EMC3: variants seen among roughly 807,000 people sequenced by gnomAD.
The protein encoded by EMC3 is ER membrane protein complex subunit 3.
EMC3 carries 13 observed loss-of-function variants against 36.6 expected under a neutral mutation model. That is an observed-to-expected ratio of 0.35 (90% CI 0.23 to 0.56). EMC3 has a LOEUF of 0.56. EMC3 is among the 20% of genes least tolerant of loss of function. The pLI is 0.84. For synonymous variants in EMC3, 120 were observed against 111.9 expected (o/e 1.07, Z -0.46); for missense variants, 220 against 324.5 (o/e 0.68, Z 2.47).
At chr3:9,966,245 T>C (rs1420036080) in intron 7 of EMC3, among the ~76,000 whole-genome samples, 2 of 150,780 alleles carry the variant, frequency 1.3e-5, no homozygotes. Context: ...TTTTTTGAGA[T>C]GGAGTCTCGC....
chr3:9,963,448 A>AAGATAGATAGAT lies in EMC3; in HGVS notation c.*620_*621insATCTATCTATCT, dbSNP rs200964792. Reference sequence around the variant, plus strand: ...TTCCTTCGAAGACTGGGCTTCTGCTAAGATAGATATATATATATATATATA... The same window carrying AAGATAGATAGAT: ...TTCCTTCGAAGACTGGGCTTCTGCTAAGATAGATAGATAGATAGATATATATATATATATATA... On this transcript the variant is annotated 3_prime_UTR_variant, in exon 8 of 8. Transcript: ENST00000245046. 5 of 97,758 alleles carry AAGATAGATAGAT rather than the reference A, an allele frequency of 5.1e-5. No individual in the cohort carries two copies. The highest frequency in any genetic ancestry group is 3.3e-4 in the South Asian group (1 of 2,992). The allele number at this position is 97,758 out of a possible 1,614,324, so 6.1% of individuals were successfully genotyped here.
chr3:9,980,704 G>A (rs2085901902), intron 1 of EMC3, among the ~76,000 whole-genome samples: 1 of 151,972 alleles, frequency 6.6e-6, no homozygotes, highest in Non-Finnish European at 1.5e-5. Context: ...AGAATTTTAG[G>A]CTGAGTTCTT....
Position 9,963,853 on chromosome 3 carries a change from T to TTTAC in EMC3, c.*212_*215dup. 1.7e-6 allele frequency: 1 copy of TTTAC among 598,820 alleles called. No individual in the cohort carries two copies. Among genetic ancestry groups the TTTAC allele is most frequent in the Non-Finnish European group, 2.7e-6 (1 of 371,974 alleles). The allele number at this position is 598,820 out of a possible 1,614,324, so 37.1% of individuals were successfully genotyped here. Reference sequence around the variant, plus strand: ...ATTACTAGAGTCACCAGAAGGAACATTTACAACATTTTAAAAATAACAAGT... The same window carrying TTTAC: ...ATTACTAGAGTCACCAGAAGGAACATTTACTTACAACATTTTAAAAATAACAAGT... On this transcript the variant is annotated 3_prime_UTR_variant, in exon 8 of 8. Transcript: ENST00000245046.
intron 7 of EMC3, 109 bp from the exon 8 acceptor site, chr3:9,964,306 T>G: frequency 1.3e-6 from 2 of 1,486,092 alleles, no homozygotes; most frequent in Non-Finnish European, 1.8e-6. Context: ...GTGAGCTATC[T>G]GCATGTATAA....
intron 1 of EMC3, among the ~76,000 whole-genome samples, chr3:9,994,833 A>G (rs1254118969): frequency 5.3e-5 from 8 of 152,116 alleles, no homozygotes; most frequent in Non-Finnish European, 1.2e-4. Flanking sequence ...CGCCCTCCCA[A>G]AGTGCTGCAA....
At chr3:9,967,015 C>T (rs911802809) in intron 7 of EMC3, among the ~76,000 whole-genome samples, 6 of 152,064 alleles carry the variant, frequency 3.9e-5, no homozygotes, top group African/African-American at 1.2e-4. Context: ...GTTTTATGTC[C>T]CCTTAAACAG....
intron 1 of EMC3, among the ~76,000 whole-genome samples, chr3:9,984,694 A>T (rs1046185383): frequency 6.6e-6 from 1 of 152,150 alleles, no homozygotes; most frequent in African/African-American, 2.4e-5. Flanking sequence ...CCCGGCCAGT[A>T]AGCTGACTTC....
At chr3:9,988,563 A>G, upstream of EMC3, 1 of 878,276 alleles carries the variant, frequency 1.1e-6, no homozygotes, top group Non-Finnish European at 1.9e-6. Context: ...TGAAATAAAA[A>G]TCTCAAAACT....
At chr3:9,992,597 T>C (rs897474989) in intron 1 of EMC3, among the ~76,000 whole-genome samples, 3 of 152,256 alleles carry the variant, frequency 2.0e-5, no homozygotes, top group African/African-American at 7.2e-5. Flanking sequence ...ATTGAATCTT[T>C]TAATAAATGT....
chr3:9,973,548 C>A, intron 5 of EMC3, 80 bp downstream of exon 5: 1 of 1,334,594 alleles, frequency 7.5e-7, no homozygotes, highest in South Asian at 1.2e-5. Context: ...TGGTCTCAAA[C>A]TCATGGGCTC....
Position 9,963,703 on chromosome 3 carries a change from C to T in EMC3, c.*366G>A, listed in dbSNP as rs556326428. ...ATCTTGGCCAGGCTGATCTTGAACT[C>T]CTGATCTCGTGACCCACCCGCCTCA... On this transcript the variant is annotated 3_prime_UTR_variant, in exon 8 of 8. Coordinates refer to ENST00000245046, the MANE Select transcript of EMC3 (RefSeq NM_001394674.1). 1 of 168,508 alleles carries T rather than the reference C, an allele frequency of 5.9e-6. No individual in the cohort carries two copies. Among genetic ancestry groups the T allele is most frequent in the East Asian group, 1.7e-4 (1 of 5,934 alleles). 10.4% of individuals were successfully genotyped at this position (168,508 alleles called of 1,614,324 possible). A position where few individuals can be genotyped will look rare whatever the true frequency, so the allele number is the denominator to read the frequency against.
At chr3:10,008,575 T>TG in intron 1 of EMC3, 2 of 732,582 alleles carry the variant, frequency 2.7e-6, no homozygotes, top group South Asian at 1.5e-5. Context: ...GGTCAGATAG[T>TG]GGGGGGTGGG....
intron 3 of EMC3, among the ~76,000 whole-genome samples, chr3:9,975,458 A>T (rs1404796797): frequency 6.6e-6 from 1 of 151,978 alleles, no homozygotes; most frequent in Non-Finnish European, 1.5e-5. Flanking sequence ...CGACCTTGAC[A>T]ATAGTGGATC....
intron 7 of EMC3, chr3:9,969,040 G>A (rs1310550515): frequency 1.3e-5 from 2 of 152,734 alleles, no homozygotes; most frequent in African/African-American, 4.8e-5. Flanking sequence ...GGCCAGGCTG[G>A]TCTTGAACTC....
At chr3:9,990,201 T>C (rs1355114202), upstream of EMC3, among the ~76,000 whole-genome samples, 1 of 151,560 alleles carries the variant, frequency 6.6e-6, no homozygotes, top group Non-Finnish European at 1.5e-5. Flanking sequence ...ATTTTTTGTA[T>C]TTTTAGTAGA....
At chr3:9,990,030 T>C (rs2086028723), upstream of EMC3, among the ~76,000 whole-genome samples, 1 of 150,318 alleles carries the variant, frequency 6.7e-6, no homozygotes, top group Non-Finnish European at 1.5e-5. Context: ...TGTTTTCTCT[T>C]TTTTTTTTGA....
chr3:9,984,359 C>T (rs376942669), intron 1 of EMC3, among the ~76,000 whole-genome samples: 7 of 151,946 alleles, frequency 4.6e-5, no homozygotes, highest in African/African-American at 1.7e-4. Flanking sequence ...GGATTACAGG[C>T]GTAAGCCACC....
intron 1 of EMC3, among the ~76,000 whole-genome samples, chr3:9,994,633 C>T (rs146233394): frequency 8.6e-5 from 13 of 151,636 alleles, no homozygotes; most frequent in African/African-American, 2.9e-4. Flanking sequence ...TACAGTGGCG[C>T]AATCTCGGCT....
At chr3:9,974,246 A>G in intron 4 of EMC3, 138 bp downstream of exon 4, 1 of 633,422 alleles carries the variant, frequency 1.6e-6, no homozygotes, top group Non-Finnish European at 2.8e-6. Context: ...AAAAGCCGTA[A>G]AAGTCATCAC....
Sources: gnomAD v4.1 joint callset for allele counts (sites outside exome capture counted in the v4.1 genomes callset) on GRCh38, gnomAD v4.1.1 for gene constraint, MANE v1.5 for transcripts, NCBI Gene and HGNC (gene_info 2026-07-23, HGNC 2026-07-21) for gene names.